ITPK1: variants seen among roughly 807,000 people sequenced by gnomAD.
ITPK1 encodes inositol-tetrakisphosphate 1-kinase.
ITPK1 carries 21 observed loss-of-function variants against 45.3 expected under a neutral mutation model. That is an observed-to-expected ratio of 0.46 (90% confidence interval 0.33 to 0.67). The LOEUF is 0.67. ITPK1 is among the 30% of genes least tolerant of loss of function. The pLI is 0.02. For missense variants in ITPK1, 474 were observed against 573.5 expected (o/e 0.83, Z 1.77); for synonymous variants, 258 against 253.6 (o/e 1.02, Z -0.16).
At chr14:92,985,259 T>TA (rs1886436886) in intron 5 of ITPK1, among the ~76,000 whole-genome samples, 2 of 152,082 alleles carry the variant, frequency 1.3e-5, no homozygotes, top group South Asian at 2.1e-4. Flanking sequence ...GATCCTGGAC[T>TA]AAAAAATGGG....
At chr14:93,002,900 A>C (rs919843240) in intron 4 of ITPK1, among the ~76,000 whole-genome samples, 6 of 152,160 alleles carry the variant, frequency 3.9e-5, no homozygotes, top group Admixed American at 1.3e-4. Context: ...GTTCTCTCAA[A>C]GCCACAGCTG....
chr14:92,972,151 C>T (rs1885692387), intron 5 of ITPK1, among the ~76,000 whole-genome samples: 1 of 152,238 alleles, frequency 6.6e-6, no homozygotes, highest in Admixed American at 6.5e-5. Context: ...GCAAGGCGTC[C>T]ATGCCCCGCG....
At chr14:93,049,435 C>A (rs1018118830) in intron 3 of ITPK1, among the ~76,000 whole-genome samples, 1 of 152,142 alleles carries the variant, frequency 6.6e-6, no homozygotes, top group African/African-American at 2.4e-5. Flanking sequence ...AGTGCAGAGG[C>A]AGGGAGAGAG....
chr14:92,961,762 T>C (rs528053178), intron 7 of ITPK1, among the ~76,000 whole-genome samples: 1 of 152,224 alleles, frequency 6.6e-6, no homozygotes, highest in African/African-American at 2.4e-5. Context: ...CTGAAGCCCA[T>C]GCCCCACTGT....
At chr14:93,066,865 T>A (rs919433744) in intron 3 of ITPK1, among the ~76,000 whole-genome samples, 1 of 152,182 alleles carries the variant, frequency 6.6e-6, no homozygotes, top group Non-Finnish European at 1.5e-5. Flanking sequence ...TTGACTACGA[T>A]GGTTCTGCGC....
chr14:92,969,381 A>C (rs1885536876), intron 5 of ITPK1, among the ~76,000 whole-genome samples: 1 of 151,464 alleles, frequency 6.6e-6, no homozygotes, highest in East Asian at 1.9e-4. Flanking sequence ...GGCACCTTCC[A>C]AAGACTGGGG....
chr14:92,941,668 C>A lies in ITPK1; in HGVS notation c.1138G>T (p.Gly380Cys). 1 of 1,540,396 alleles carries A rather than the reference C, an allele frequency of 6.5e-7. No homozygotes were observed. Among genetic ancestry groups the A allele is most frequent in the Middle Eastern group, 2.2e-4 (1 of 4,502 alleles). The change falls in exon 11 of 11, where the codon GGC (glycine) becomes TGC (cysteine). Residue 380 changes from glycine to cysteine, a missense_variant. Physicochemically the swap from Gly to Cys is radical, Grantham distance 159. Around this residue, in one of 2 missense-constraint regions of ITPK1, gnomAD observed 107 missense variants for 92.9 expected, o/e 1.15. Transcript: ENST00000267615. ...CTCTGGTGCGGCAGCTTGGCGGTGC[C>A]GCCCGCGTCGGCCTCAGCCTTCCAG... is the stretch of plus-strand genomic sequence containing the variant. The part of the protein sequence containing the change: ...APWKAEADAG[G>C]TAKLPHQRLG...
rs956582495 is a variant in ITPK1, at chr14:93,063,488, G to T, written c.120+13107C>A. 6.6e-6 allele frequency among the ~76,000 whole-genome samples: 1 copy of T among 152,168 alleles called. No individual in the cohort carries two copies. Among genetic ancestry groups the T allele is most frequent in the African/African-American group, 2.4e-5 (1 of 41,444 alleles). On this transcript the variant is annotated intron_variant, in intron 3 of 10. Coordinates refer to ENST00000267615, the MANE Select transcript of ITPK1 (RefSeq NM_014216.6). The surrounding 1 kb of genome is among the most constrained non-coding windows in gnomAD (Gnocchi z 4.3). Reference sequence around the variant, plus strand: ...CTGTCCCTGACCTCAGGCTACCCACGCTTCTCCTACGAGGGCCTGAGTTTT... The same window carrying T: ...CTGTCCCTGACCTCAGGCTACCCACTCTTCTCCTACGAGGGCCTGAGTTTT...
rs766837222 is a variant in ITPK1 at position 92,946,415 on chromosome 14, G to T, written c.817C>A (p.Leu273Met). ...TCGATGCCGAAGAGTGACACGCCCA[G>T]TGCCTGCCGCAGGGCCCGGGAGAGC... ...RELSRALRQA[L>M]GVSLFGIDII... Residue 273 changes from leucine (L) to methionine (M), a missense_variant, in exon 10 of 11, where the codon CTG becomes ATG. Leu to Met is a conservative substitution (Grantham distance 15, BLOSUM62 2). Coordinates refer to ENST00000267615, the MANE Select transcript of ITPK1 (RefSeq NM_014216.6). The T allele has an allele frequency of 2.5e-6, 4 of 1,613,354 alleles. No homozygotes were observed. The East Asian group carries it at 8.9e-5, about 36-fold the overall frequency.
intron 2 of ITPK1, among the ~76,000 whole-genome samples, chr14:93,093,428 G>A (rs370453225): frequency 3.3e-5 from 5 of 152,264 alleles, no homozygotes; most frequent in South Asian, 4.1e-4. Context: ...TGAGTGCTCC[G>A]ACATCATCTC....
chr14:92,995,093 G>A (rs929032031), intron 4 of ITPK1, among the ~76,000 whole-genome samples: 1 of 152,120 alleles, frequency 6.6e-6, no homozygotes, highest in Non-Finnish European at 1.5e-5. Flanking sequence ...GAGGGGCAGG[G>A]AAGCTTCGCC....
chr14:93,059,817 G>A (rs1595178187), intron 3 of ITPK1, among the ~76,000 whole-genome samples: 1 of 118,638 alleles, frequency 8.4e-6, no homozygotes, highest in East Asian at 2.7e-4. Context: ...GGGGTCCCGA[G>A]GCAGGGGTGG....
At chr14:93,066,064 C>T (rs945762332) in intron 3 of ITPK1, 2 of 271,730 alleles carry the variant, frequency 7.4e-6, no homozygotes, top group Non-Finnish European at 1.5e-5. Flanking sequence ...CCCAAGATTT[C>T]CACAAGTACA....
At chr14:93,007,232 C>T (rs1259663222) in intron 4 of ITPK1, among the ~76,000 whole-genome samples, 1 of 152,226 alleles carries the variant, frequency 6.6e-6, no homozygotes, top group Non-Finnish European at 1.5e-5. Flanking sequence ...ACATGCATTC[C>T]CACGCACCTG....
In ITPK1 at chr14:92,940,384, G is replaced by C. The variant is rs1218999870; in HGVS notation, c.*1177C>G. On this transcript the variant is annotated 3_prime_UTR_variant, in exon 11 of 11. Coordinates refer to ENST00000267615, the MANE Select transcript of ITPK1 (RefSeq NM_014216.6). ...AGGGGGCTGCCTGGATCAGGGGTCAGACGGCAGAGCCAGTGCTTTGCTGCC... is the reference window on the plus strand; with the variant it reads ...AGGGGGCTGCCTGGATCAGGGGTCACACGGCAGAGCCAGTGCTTTGCTGCC... The C allele has an allele frequency of 2.9e-6, 3 of 1,019,524 alleles. No individual in the cohort carries two copies. In the South Asian group the frequency reaches 1.1e-4, roughly 37 times the overall value. The allele number at this position is 1,019,524 out of a possible 1,614,324, so 63.2% of individuals were successfully genotyped here.
At chr14:92,959,925 A>T (rs1044395142) in intron 7 of ITPK1, among the ~76,000 whole-genome samples, 2 of 152,202 alleles carry the variant, frequency 1.3e-5, no homozygotes, top group African/African-American at 4.8e-5. Flanking sequence ...GATCAGAAGC[A>T]CCTGCTGCCC....
At chr14:93,090,539 C>G (rs943429985) in intron 2 of ITPK1, among the ~76,000 whole-genome samples, 2 of 152,194 alleles carry the variant, frequency 1.3e-5, no homozygotes, top group Non-Finnish European at 2.9e-5. Flanking sequence ...TAGCCACCAT[C>G]CTGGAGAAAC....
chr14:93,088,761 T>G (rs766082844), intron 2 of ITPK1, among the ~76,000 whole-genome samples: 24 of 151,976 alleles, frequency 1.6e-4, no homozygotes, highest in Non-Finnish European at 2.8e-4. Context: ...CCTCCCAGAG[T>G]GCTGGGATTA....
In ITPK1 at chr14:92,993,903, C is replaced by T. The variant is rs369026842; in HGVS notation, c.341G>A (p.Arg114Gln). Residue 114 changes from arginine to glutamine, a missense_variant, in exon 5 of 11, where the codon CGG (arginine) becomes CAG (glutamine). Physicochemically the swap from Arg to Gln is conservative, Grantham distance 43. Transcript: ENST00000267615. ...LDRSKSYELI[R>Q]KIEAYMEDDR... ...ACCTTCCATGTAGGCCTCAATCTTC[C>T]GGATGAGCTCATAGGACTTGGAGCG... The T allele has an allele frequency of 2.0e-5, 32 of 1,611,856 alleles. No individual in the cohort carries two copies. The highest frequency in any genetic ancestry group is 2.3e-5 in the Non-Finnish European group (27 of 1,178,038).
Sources: gnomAD v4.1 joint callset for allele counts (sites outside exome capture counted in the v4.1 genomes callset) on GRCh38, gnomAD v4.1.1 for gene constraint, gnomAD v4.1.1 regional missense constraint, Gnocchi (gnomAD v3.1) non-coding constraint, MANE v1.5 for transcripts, NCBI Gene and HGNC (gene_info 2026-07-23, HGNC 2026-07-21) for gene names.